Variants in CBFB observed in about 807,000 individuals in gnomAD.
CBFB encodes CBF-beta.
In CBFB, 9 loss-of-function variants were observed where a neutral mutation model predicts 30.4. The observed-to-expected ratio is 0.30, with a 90% CI of 0.18 to 0.52. The LOEUF is 0.52. CBFB is among the 20% of genes least tolerant of loss of function. CBFB has a pLI of 0.97. For missense variants in CBFB, 170 were observed against 244.0 expected, an observed-to-expected ratio of 0.70 and a Z score of 2.02; for synonymous variants, 94 against 84.0, an observed-to-expected ratio of 1.12 and a Z score of -0.65.
At chr16:67,056,662 G>C (rs1359055527) in intron 3 of CBFB, among the ~76,000 whole-genome samples, 1 of 150,660 alleles carries the variant, frequency 6.6e-6, no homozygotes, top group East Asian at 1.9e-4. Context: ...AGGATCAGCA[G>C]ACCTGCCTGG....
At chr16:67,082,967 C>T (rs996716090) in intron 5 of CBFB, among the ~76,000 whole-genome samples, 5 of 152,108 alleles carry the variant, frequency 3.3e-5, no homozygotes, top group Admixed American at 1.3e-4. Context: ...CTTACAACCA[C>T]GGTTTGGTCA....
At chr16:67,064,904 CTTTT>C (rs1233480397) in intron 3 of CBFB, among the ~76,000 whole-genome samples, 2 of 151,352 alleles carry the variant, frequency 1.3e-5, no homozygotes, top group Admixed American at 1.3e-4. Flanking sequence ...TTTTCTCTCT[CTTTT>C]TTTTGTTTGA....
At chr16:67,097,488 T>A (rs1397565454) in intron 5 of CBFB, among the ~76,000 whole-genome samples, 2 of 143,868 alleles carry the variant, frequency 1.4e-5, no homozygotes, top group Admixed American at 1.5e-4. Flanking sequence ...GAGGTTGCAG[T>A]GAGCTAAGAT....
At chr16:67,081,023 A>G (rs556351435) in intron 4 of CBFB, among the ~76,000 whole-genome samples, 113 of 152,142 alleles carry the variant, frequency 7.4e-4, no homozygotes, top group Middle Eastern at 3.4e-3. Context: ...CGTGTACACA[A>G]TGTGCAGATT....
At chr16:67,059,215 A>C (rs1464888267) in intron 3 of CBFB, among the ~76,000 whole-genome samples, 1 of 152,214 alleles carries the variant, frequency 6.6e-6, no homozygotes, top group Non-Finnish European at 1.5e-5. Context: ...CCCTCAAAGA[A>C]CTATTTGTAC....
intron 4 of CBFB, 37 bp from the exon 5 acceptor site, chr16:67,082,176 A>C: frequency 6.9e-7 from 1 of 1,457,240 alleles, no homozygotes; most frequent in Non-Finnish European, 9.2e-7. Context: ...TTTTTTATAA[A>C]TCAAAATTAA....
intron 5 of CBFB, among the ~76,000 whole-genome samples, chr16:67,084,973 TA>T (rs1961680033): frequency 6.6e-6 from 1 of 152,224 alleles, no homozygotes; most frequent in South Asian, 2.1e-4. Flanking sequence ...AATGAGTAAA[TA>T]CATGTGAAAC....
chr16:67,049,728 T>C (rs1295458920), intron 3 of CBFB, among the ~76,000 whole-genome samples: 2 of 152,122 alleles, frequency 1.3e-5, no homozygotes, highest in Non-Finnish European at 2.9e-5. Context: ...TGGGTTCAAG[T>C]GATCCTTCCA....
chr16:67,040,135 G>A (rs560039806), intron 3 of CBFB, among the ~76,000 whole-genome samples: 17 of 152,268 alleles, frequency 1.1e-4, no homozygotes, highest in African/African-American at 2.4e-5. Flanking sequence ...GTGGGGTCTC[G>A]AATTTCTTTT....
intron 3 of CBFB, among the ~76,000 whole-genome samples, chr16:67,063,537 G>T (rs1193527120): frequency 6.6e-6 from 1 of 152,108 alleles, no homozygotes; most frequent in East Asian, 1.9e-4. Context: ...TGCCTCCCAG[G>T]TTCAAGCGAT....
chr16:67,037,619 T>C (rs1966463815), intron 3 of CBFB, among the ~76,000 whole-genome samples: 1 of 151,992 alleles, frequency 6.6e-6, no homozygotes, highest in Non-Finnish European at 1.5e-5. Flanking sequence ...ATGTTTAAGC[T>C]GAGAGCCTTA....
chr16:67,096,405 G>A (rs1962046870), intron 5 of CBFB, among the ~76,000 whole-genome samples: 1 of 151,908 alleles, frequency 6.6e-6, no homozygotes. Flanking sequence ...CCAACATTTG[G>A]AGGCAGTAAA....
chr16:67,044,992 C>T (rs1410179282), intron 3 of CBFB, among the ~76,000 whole-genome samples: 1 of 152,088 alleles, frequency 6.6e-6, no homozygotes, highest in African/African-American at 2.4e-5. Context: ...TAGTTATTGA[C>T]AGTTTAGTGT....
At chr16:67,069,804 A>G (rs1597147019) in intron 4 of CBFB, among the ~76,000 whole-genome samples, 2 of 152,314 alleles carry the variant, frequency 1.3e-5, no homozygotes, top group South Asian at 4.1e-4. Flanking sequence ...AAGTTGTGGG[A>G]TGACATATTA....
chr16:67,058,792 T>C (rs1427822549), intron 3 of CBFB, among the ~76,000 whole-genome samples: 1 of 152,230 alleles, frequency 6.6e-6, no homozygotes, highest in Admixed American at 6.5e-5. Flanking sequence ...TACGTCAGTT[T>C]ATAGACTAGA....
chr16:67,084,152 C>A, intron 5 of CBFB, among the ~76,000 whole-genome samples: 1 of 106,030 alleles, frequency 9.4e-6, no homozygotes, highest in Non-Finnish European at 1.7e-5. Flanking sequence ...GATGACAGAG[C>A]AGGACCCTAC....
chr16:67,071,183 A>G (rs896750023), intron 4 of CBFB, among the ~76,000 whole-genome samples: 2 of 152,188 alleles, frequency 1.3e-5, no homozygotes, highest in African/African-American at 4.8e-5. Context: ...TGAAATGTAG[A>G]TGCTAGGGGC....
chr16:67,075,203 G>A lies in CBFB; in HGVS notation c.400-7010G>A, dbSNP rs1295533298. On this transcript the variant is annotated intron_variant, in intron 4 of 5. Coordinates refer to ENST00000412916, the MANE Select transcript of CBFB (RefSeq NM_022845.3). ...AGATTCTATCTCAAAAAAAATGTGT[G>A]TGTGTGTGTGTGTGTGTGTGTGTGT... Among the ~76,000 whole-genome samples the A allele has an allele frequency of 9.8e-4, 131 of 133,332 alleles. 2 individuals carry two copies. The East Asian group carries it at 0.014, about 14-fold the overall frequency. 87.5% of individuals were successfully genotyped at this position (133,332 alleles called of 152,430 possible). A position where few individuals can be genotyped will look rare whatever the true frequency, so the allele number is the denominator to read the frequency against.
At chr16:67,096,364 A>G (rs2145788107) in intron 5 of CBFB, among the ~76,000 whole-genome samples, 1 of 152,164 alleles carries the variant, frequency 6.6e-6, no homozygotes, top group African/African-American at 2.4e-5. Context: ...TTAGTACCAC[A>G]TTCTGGATAC....
Sources: gnomAD v4.1 joint callset for allele counts (sites outside exome capture counted in the v4.1 genomes callset) on GRCh38, gnomAD v4.1.1 for gene constraint, MANE v1.5 for transcripts, NCBI Gene and HGNC (gene_info 2026-07-23, HGNC 2026-07-21) for gene names.